The following LSAMP variants were observed in gnomAD, a reference collection of about 807,000 sequenced individuals.
The protein encoded by LSAMP is limbic system-associated membrane protein.
In LSAMP, 7 loss-of-function variants were observed where a neutral mutation model predicts 38.6. The ratio of observed to expected loss-of-function variants is 0.18; its 90% CI spans 0.10 to 0.34. The LOEUF is 0.34. Among genes scored for constraint, LSAMP ranks in the 10% least tolerant of loss-of-function variants. The pLI is 1.00. For synonymous variants in LSAMP, 154 were observed against 166.8 expected, an observed-to-expected ratio of 0.92 and a Z score of 0.59; for missense variants, 313 against 420.0, an observed-to-expected ratio of 0.75 and a Z score of 2.23.
At chr3:115,948,208 A>C (rs1938166249) in intron 3 of LSAMP, among the ~76,000 whole-genome samples, 1 of 152,230 alleles carries the variant, frequency 6.6e-6, no homozygotes, top group East Asian at 1.9e-4. Context: ...CAAAGACAAA[A>C]TTTTATTGAA....
chr3:115,948,430 C>A (rs1223238636), intron 3 of LSAMP, among the ~76,000 whole-genome samples: 1 of 152,048 alleles, frequency 6.6e-6, no homozygotes, highest in Non-Finnish European at 1.5e-5. Flanking sequence ...TATCAAGTAT[C>A]CTCTCAGACC....
intron 1 of LSAMP, among the ~76,000 whole-genome samples, chr3:116,160,348 G>A (rs553295886): frequency 8.3e-5 from 12 of 144,606 alleles, no homozygotes; most frequent in African/African-American, 2.7e-4. Flanking sequence ...GCAGTGAGCC[G>A]AGATCGTGCC....
At chr3:115,816,552 A>AAT (rs1189308283) in intron 6 of LSAMP, 1 of 983,632 alleles carries the variant, frequency 1.0e-6, no homozygotes, top group Admixed American at 2.7e-5. Flanking sequence ...ATAAGACAAC[A>AAT]ATATATTGCT....
intron 3 of LSAMP, among the ~76,000 whole-genome samples, chr3:115,939,532 C>CTTTCTTT (rs1937825363): frequency 1.8e-5 from 1 of 56,054 alleles, no homozygotes; most frequent in African/African-American, 4.7e-5. Context: ...TTCTCTTTCT[C>CTTTCTTT]TTTCTTTCTT....
chr3:116,123,412 G>A (rs927166078), intron 1 of LSAMP, among the ~76,000 whole-genome samples: 2 of 152,146 alleles, frequency 1.3e-5, no homozygotes, highest in African/African-American at 4.8e-5. Context: ...GAAAAAAATG[G>A]CAACAAAAGT....
intron 1 of LSAMP, among the ~76,000 whole-genome samples, chr3:116,142,522 C>T (rs1709393405): frequency 6.6e-6 from 1 of 151,980 alleles, no homozygotes; most frequent in Non-Finnish European, 1.5e-5. Flanking sequence ...GATCCAACTG[C>T]TAGAATGTTA....
intron 3 of LSAMP, among the ~76,000 whole-genome samples, chr3:115,985,429 A>G (rs1939482779): frequency 6.6e-6 from 1 of 152,178 alleles, no homozygotes; most frequent in South Asian, 2.1e-4. Context: ...CCGAGTAAGC[A>G]GATTGAAAAG....
At chr3:116,276,759 A>G (rs1316671892) in intron 1 of LSAMP, among the ~76,000 whole-genome samples, 2 of 152,126 alleles carry the variant, frequency 1.3e-5, no homozygotes, top group East Asian at 1.9e-4. Flanking sequence ...AAGAAAACCC[A>G]TAAAAAATAA....
rs1353480194 is a variant in LSAMP at position 116,342,116 on chromosome 3, C to T, written c.155+102761G>A. On this transcript the variant is annotated intron_variant, in intron 1 of 6. Coordinates refer to ENST00000490035, the MANE Select transcript of LSAMP (RefSeq NM_002338.5). ...ATTTAGGTAACATCCTGACCTCAGCCATACTAACAATAGTCCTTTATTTGC... is the reference window on the plus strand; with the variant it reads ...ATTTAGGTAACATCCTGACCTCAGCTATACTAACAATAGTCCTTTATTTGC... Among the ~76,000 whole-genome samples, 5 of 152,020 alleles carry T rather than the reference C, an allele frequency of 3.3e-5. No homozygotes were observed. In the East Asian group the frequency reaches 9.6e-4, roughly 29 times the overall value.
At chr3:115,822,486 G>C (rs537802831) in intron 6 of LSAMP, among the ~76,000 whole-genome samples, 64 of 150,938 alleles carry the variant, frequency 4.2e-4, no homozygotes, top group Non-Finnish European at 7.5e-4. Context: ...TCAGCCTCCC[G>C]AGTAGCTGGG....
intron 6 of LSAMP, among the ~76,000 whole-genome samples, chr3:115,824,625 C>T (rs1934348082): frequency 6.6e-6 from 1 of 151,558 alleles, no homozygotes; most frequent in Non-Finnish European, 1.5e-5. Flanking sequence ...TCGCTGGAAC[C>T]CAGGAGGCGG....
chr3:116,165,325 T>C (rs1710023583), intron 1 of LSAMP, among the ~76,000 whole-genome samples: 1 of 152,222 alleles, frequency 6.6e-6, no homozygotes, highest in South Asian at 2.1e-4. Flanking sequence ...CAATAGTTTA[T>C]GACATCTACA....
intron 1 of LSAMP, among the ~76,000 whole-genome samples, chr3:116,301,602 T>C (rs1347810720): frequency 1.3e-5 from 2 of 152,254 alleles, no homozygotes; most frequent in East Asian, 3.9e-4. Flanking sequence ...ATATTTTCAA[T>C]AATGGCCTAA....
At chr3:116,113,300 G>A (rs1388182577) in intron 1 of LSAMP, among the ~76,000 whole-genome samples, 1 of 149,806 alleles carries the variant, frequency 6.7e-6, no homozygotes, top group Admixed American at 6.7e-5. Flanking sequence ...TTTATCCCAA[G>A]TCACACCCTA....
At chr3:116,322,076 A>C (rs1385524127) in intron 1 of LSAMP, among the ~76,000 whole-genome samples, 1 of 152,220 alleles carries the variant, frequency 6.6e-6, no homozygotes, top group East Asian at 1.9e-4. Context: ...CTGAAGCAAA[A>C]CTATGTTATA....
At chr3:116,084,187 TAAATG>T (rs1273391229) in intron 2 of LSAMP, among the ~76,000 whole-genome samples, 1 of 152,086 alleles carries the variant, frequency 6.6e-6, no homozygotes, top group African/African-American at 2.4e-5. Context: ...TTATTAGAAT[TAAATG>T]AGATAGTAGA....
chr3:115,954,953 G>GT (rs1257314299), intron 3 of LSAMP, among the ~76,000 whole-genome samples: 154 of 38,672 alleles, frequency 4.0e-3, no homozygotes, highest in Admixed American at 0.01. Flanking sequence ...TTCTGTTTTT[G>GT]TTTTTGTTTT....
intron 4 of LSAMP, among the ~76,000 whole-genome samples, chr3:115,848,794 A>G (rs1935239987): frequency 6.6e-6 from 1 of 152,208 alleles, no homozygotes; most frequent in African/African-American, 2.4e-5. Flanking sequence ...GGAAAGTGGA[A>G]GGTGGGAATG....
At chr3:116,253,826 G>C (rs903234937) in intron 1 of LSAMP, among the ~76,000 whole-genome samples, 1 of 152,154 alleles carries the variant, frequency 6.6e-6, no homozygotes, top group Non-Finnish European at 1.5e-5. Flanking sequence ...TGCTGTAAGG[G>C]GCAGGATGAT....
Sources: allele counts gnomAD v4.1 joint callset (sites outside exome capture counted in the v4.1 genomes callset), GRCh38; gene constraint gnomAD v4.1.1; transcripts MANE v1.5; gene names NCBI Gene and HGNC (gene_info 2026-07-23, HGNC 2026-07-21).